The following PES1 variants were observed in gnomAD, a reference collection of about 807,000 sequenced individuals.
PES1 encodes pescadillo ribosomal biogenesis factor 1.
A neutral mutation model predicts 77.1 loss-of-function variants in PES1; 31 were observed. That is an observed-to-expected ratio of 0.40 (90% CI 0.30 to 0.54). The LOEUF is 0.54. PES1 is among the 20% of genes least tolerant of loss of function. The pLI is 0.45. For missense variants in PES1, 658 were observed against 771.7 expected (o/e 0.85, Z 1.75); for synonymous variants, 282 against 303.0 (o/e 0.93, Z 0.72).
At chr22:30,596,366 A>G (rs1218833811), upstream of PES1, among the ~76,000 whole-genome samples, 1 of 149,080 alleles carries the variant, frequency 6.7e-6, no homozygotes, top group Non-Finnish European at 1.5e-5. Context: ...GCGTGTGTAT[A>G]TGGATATGGG....
chr22:30,582,365 C>T (rs966643150), intron 6 of PES1, among the ~76,000 whole-genome samples: 1 of 152,214 alleles, frequency 6.6e-6, no homozygotes, highest in African/African-American at 2.4e-5. Flanking sequence ...TGGCCTGGCT[C>T]AGCCCCCAGG....
chr22:30,588,130 T>C lies in PES1; in HGVS notation c.149A>G (p.His50Arg). The change falls in exon 3 of 15, where the codon CAC (histidine) becomes CGC (arginine). Residue 50 changes from histidine to arginine, a missense_variant. His to Arg is a conservative substitution (Grantham distance 29). Coordinates refer to ENST00000354694, the MANE Select transcript of PES1 (RefSeq NM_014303.4). Reference protein sequence around the residue: ...LKGIYPHEPKHKKKVNKGSTA... With the variant: ...LKGIYPHEPKRKKKVNKGSTA... ...AGAACCCTTGTTAACCTTCTTCTTGTGTTTGGGTTCATGGGGATAAATGCC... is the reference window on the plus strand; with the variant it reads ...AGAACCCTTGTTAACCTTCTTCTTGCGTTTGGGTTCATGGGGATAAATGCC... 1 of 1,614,168 alleles carries C rather than the reference T, an allele frequency of 6.2e-7. No individual in the cohort carries two copies. Among genetic ancestry groups the C allele is most frequent in the Non-Finnish European group, 8.5e-7 (1 of 1,180,028 alleles).
intron 3 of PES1, 112 bp downstream of exon 3, chr22:30,587,909 C>A: frequency 9.4e-7 from 1 of 1,060,630 alleles, no homozygotes; most frequent in Non-Finnish European, 1.4e-6. Flanking sequence ...CTCACCCTGC[C>A]CTCTGTATAG....
At chr22:30,590,149 G>T (rs1393929696) in intron 1 of PES1, among the ~76,000 whole-genome samples, 1 of 152,148 alleles carries the variant, frequency 6.6e-6, no homozygotes, top group Non-Finnish European at 1.5e-5. Context: ...CAAAAAGCCT[G>T]GTCTCTACCT....
At position 30,602,438 on chromosome 22, in the gene PES1, C is replaced by CTTT. The variant is rs60067454; in HGVS notation, c.-661+3020_-661+3022dup. On this transcript the variant is annotated intron_variant, in intron 2 of 16. Coordinates refer to the PES1 transcript ENST00000402281. ...CTTTATAGCAGTGTGAAAACTAATA[C>CTTT]TTTTTTTTTTTTGACACAAGAGTTC... 7.6e-4 allele frequency among the ~76,000 whole-genome samples: 109 copies of CTTT among 142,720 alleles called. 2 individuals carry two copies. The South Asian group carries it at 0.012, about 16-fold the overall frequency. 93.6% of individuals were successfully genotyped at this position (142,720 alleles called of 152,430 possible).
At chr22:30,605,595 C>A in intron 1 of PES1, 1 of 494,358 alleles carries the variant, frequency 2.0e-6, no homozygotes, top group Non-Finnish European at 2.6e-6. Context: ...CACCCAGGAC[C>A]AAGGTGGCTC....
intron 6 of PES1, among the ~76,000 whole-genome samples, chr22:30,582,301 G>T (rs2087000697): frequency 6.6e-6 from 1 of 152,218 alleles, no homozygotes; most frequent in Non-Finnish European, 1.5e-5. Flanking sequence ...CTCCCTCCTT[G>T]GGCCCAAGCC....
Position 30,591,863 on chromosome 22 carries a change from G to A in PES1, c.-30C>T. 1.9e-6 allele frequency: 3 copies of A among 1,544,926 alleles called. No homozygotes were observed. The highest frequency in any genetic ancestry group is 2.6e-6 in the Non-Finnish European group (3 of 1,145,874). On this transcript the variant is annotated 5_prime_UTR_variant, in exon 1 of 15. Transcript: ENST00000354694. ...CCACGTTGAGGAGCCGACTAGGGCC[G>A]CGCGTACAGGGAGCTCCACTTCCTC...
chr22:30,598,091 G>A lies in PES1; in HGVS notation c.-660-5693C>T, dbSNP rs145546755. Reference sequence around the variant, plus strand: ...GTAGAGACGGGGTTTCACCGTTTTAGCCGGGATGGTCTCGATCGCAGTTGA... The same window carrying A: ...GTAGAGACGGGGTTTCACCGTTTTAACCGGGATGGTCTCGATCGCAGTTGA... On this transcript the variant is annotated intron_variant, in intron 2 of 16. Transcript: ENST00000402281. 6.4e-4 allele frequency among the ~76,000 whole-genome samples: 97 copies of A among 152,106 alleles called. 2 individuals carry two copies. In the East Asian group the frequency reaches 0.018, roughly 28 times the overall value.
At chr22:30,586,367 T>G (rs1182611826) in intron 4 of PES1, among the ~76,000 whole-genome samples, 1 of 152,148 alleles carries the variant, frequency 6.6e-6, no homozygotes, top group Non-Finnish European at 1.5e-5. Flanking sequence ...GCACTTCCTG[T>G]GACAGCCCAC....
At chr22:30,605,405 C>T in intron 2 of PES1, 1 of 975,600 alleles carries the variant, frequency 1.0e-6, no homozygotes, top group Non-Finnish European at 1.2e-6. Flanking sequence ...ACTTCGACAC[C>T]CTAACTACCT....
Position 30,579,002 on chromosome 22 carries a change from G to C in PES1, c.1522-4C>G. 6.2e-7 allele frequency: 1 copy of C among 1,609,248 alleles called. No homozygotes were observed. The highest frequency in any genetic ancestry group is 8.5e-7 in the Non-Finnish European group (1 of 1,179,944). The stretch of plus-strand genomic sequence containing the variant: ...TGCCTGCCATCACCCTGGGCTTCTG[G>C]GGACACAAGGAGGGTGCTTATGGGG... On this transcript the variant is annotated splice_region_variant and splice_polypyrimidine_tract_variant and intron_variant, in intron 13 of 14. Coordinates refer to ENST00000354694, the MANE Select transcript of PES1 (RefSeq NM_014303.4).
In PES1 at chr22:30,584,685, A is replaced by T; in HGVS notation, c.401T>A (p.Leu134Gln). 1 of 1,613,856 alleles carries T rather than the reference A, an allele frequency of 6.2e-7. No individual in the cohort carries two copies. The highest frequency in any genetic ancestry group is 8.5e-7 in the Non-Finnish European group (1 of 1,180,026). ...YPTFIDALRD[L>Q]DDALSMCFLF... Reference sequence around the variant, plus strand: ...GAAGCACATGGAGAGGGCATCGTCCAGGTCCCGCAGGGCATCGATGAACGT... The same window carrying T: ...GAAGCACATGGAGAGGGCATCGTCCTGGTCCCGCAGGGCATCGATGAACGT... Residue 134 changes from leucine to glutamine, a missense_variant, in exon 5 of 15, where the codon CTG (leucine) becomes CAG (glutamine). Physicochemically the swap from Leu to Gln is moderately radical, Grantham distance 113. Transcript: ENST00000354694.
rs1447482229 is a variant in PES1 at position 30,576,644 on chromosome 22, C to T, written c.*402G>A. 1 of 207,916 alleles carries T rather than the reference C, an allele frequency of 4.8e-6. No individual in the cohort carries two copies. Among genetic ancestry groups the T allele is most frequent in the African/African-American group, 2.3e-5 (1 of 43,034 alleles). The allele number at this position is 207,916 out of a possible 1,614,324, so 12.9% of individuals were successfully genotyped here. A position where few individuals can be genotyped will look rare whatever the true frequency, so the allele number is the denominator to read the frequency against. On this transcript the variant is annotated 3_prime_UTR_variant, in exon 15 of 15. Coordinates refer to ENST00000354694, the MANE Select transcript of PES1 (RefSeq NM_014303.4). ...ACAAAATGCAATTGGCACAAAAGTC[C>T]AGTCATTTAATAACAAATGCTCCCC... is the stretch of plus-strand genomic sequence containing the variant.
intron 12 of PES1, 44 bp downstream of exon 12, chr22:30,579,707 C>T (rs757759878): frequency 3.2e-6 from 5 of 1,577,826 alleles, no homozygotes; most frequent in African/African-American, 2.7e-5. Context: ...AAACAGCCAG[C>T]GTGGGCCCAG....
chr22:30,576,762 A>C lies in PES1; in HGVS notation c.*284T>G. Reference sequence around the variant, plus strand: ...GCCAGGATGAATGGGGGCAGTAGGTAGGGGGCTGGGTGGGCCTCTGCACCT... The same window carrying C: ...GCCAGGATGAATGGGGGCAGTAGGTCGGGGGCTGGGTGGGCCTCTGCACCT... On this transcript the variant is annotated 3_prime_UTR_variant, in exon 15 of 15. Coordinates refer to ENST00000354694, the MANE Select transcript of PES1 (RefSeq NM_014303.4). The C allele has an allele frequency of 4.3e-6, 2 of 463,872 alleles. No homozygotes were observed. The highest frequency in any genetic ancestry group is 7.7e-6 in the Non-Finnish European group (2 of 258,346). 28.7% of individuals were successfully genotyped at this position (463,872 alleles called of 1,614,324 possible).
At chr22:30,605,381 T>TG (rs1265276717) in intron 2 of PES1, 5 of 816,950 alleles carry the variant, frequency 6.1e-6, no homozygotes, top group Non-Finnish European at 7.4e-6. Context: ...GGCAGGGGGG[T>TG]GTCTCCCTCC....
intron 2 of PES1, among the ~76,000 whole-genome samples, chr22:30,604,310 T>C (rs776891008): frequency 6.6e-5 from 10 of 152,162 alleles, no homozygotes; most frequent in Non-Finnish European, 1.3e-4. Flanking sequence ...GTCACCCAAA[T>C]AGCTGTAGCA....
At chr22:30,578,708 C>G in intron 14 of PES1, 129 bp downstream of exon 14, 1 of 1,099,626 alleles carries the variant, frequency 9.1e-7, no homozygotes, top group East Asian at 2.4e-5. Flanking sequence ...CTGGGCCAGG[C>G]AGGCAACCTC....
Sources: allele counts gnomAD v4.1 joint callset (sites outside exome capture counted in the v4.1 genomes callset), GRCh38; gene constraint gnomAD v4.1.1; transcripts MANE v1.5; gene names NCBI Gene and HGNC (gene_info 2026-07-23, HGNC 2026-07-21).